Variants in GAREM1 observed in about 807,000 individuals in gnomAD.
The protein encoded by GAREM1 is GRB2-associated and regulator of MAPK protein 1.
GAREM1 carries 26 observed loss-of-function variants against 71.3 expected under a neutral mutation model. The ratio of observed to expected loss-of-function variants is 0.36; its 90% CI spans 0.27 to 0.51. The LOEUF is 0.51. Among genes scored for constraint, GAREM1 ranks in the 20% least tolerant of loss-of-function variants. The pLI, the probability that GAREM1 is intolerant of heterozygous loss-of-function variation, is 0.95. For synonymous variants in GAREM1, 440 were observed against 433.2 expected, an observed-to-expected ratio of 1.02 and a Z score of -0.20; for missense variants, 1,026 against 1,103.1, an observed-to-expected ratio of 0.93 and a Z score of 0.99.
chr18:32,444,428 T>A (rs2048768282), intron 1 of GAREM1, among the ~76,000 whole-genome samples: 2 of 152,170 alleles, frequency 1.3e-5, no homozygotes, highest in Non-Finnish European at 2.9e-5. Context: ...TTGCCACCTA[T>A]GTTTAAGTGC....
At chr18:32,382,629 T>G (rs2048108298) in intron 2 of GAREM1, among the ~76,000 whole-genome samples, 1 of 152,090 alleles carries the variant, frequency 6.6e-6, no homozygotes, top group South Asian at 2.1e-4. Context: ...CCTGGCTAGC[T>G]GGTAAAATAA....
In GAREM1 at chr18:32,287,541, T is replaced by A; in HGVS notation, c.1056A>T (p.Glu352Asp). ...AVRDVKTDWN[E>D]ECKSPKKGRC... ...GACCCTTCTTGGGGCTCTTGCATTC[T>A]TCATTCCAGTCGGTTTTCACATCAC... Residue 352 changes from glutamate to aspartate, a missense_variant, in exon 4 of 6, where the codon GAA becomes GAT. This residue lies in a region of GAREM1 where 218 missense variants were observed against 296.8 expected (regional missense o/e 0.73). Transcript: ENST00000269209. The surrounding 1 kb of genome is among the most constrained non-coding windows in gnomAD (Gnocchi z 5.9). 4 of 1,614,114 alleles carry A rather than the reference T, an allele frequency of 2.5e-6. No homozygotes were observed. The highest frequency in any genetic ancestry group is 3.4e-6 in the Non-Finnish European group (4 of 1,180,032).
chr18:32,413,247 T>C, intron 1 of GAREM1: 2 of 1,571,150 alleles, frequency 1.3e-6, no homozygotes, highest in Non-Finnish European at 1.7e-6. Context: ...GCCAGAAAAA[T>C]ATTTCAACTA....
chr18:32,332,249 G>A (rs142396957), intron 2 of GAREM1, among the ~76,000 whole-genome samples: 1 of 151,852 alleles, frequency 6.6e-6, no homozygotes, highest in East Asian at 1.9e-4. Flanking sequence ...TGGCGGGGCC[G>A]GGAAGAGCGC....
At chr18:32,463,587 T>TTTTTTTG (rs2048971676) in intron 1 of GAREM1, among the ~76,000 whole-genome samples, 1 of 130,552 alleles carries the variant, frequency 7.7e-6, no homozygotes, top group African/African-American at 3.0e-5. Flanking sequence ...TTTTTTTTTT[T>TTTTTTTG]GAGACGGAGT....
At chr18:32,288,540 ATTAT>A (rs1290594830) in intron 3 of GAREM1, among the ~76,000 whole-genome samples, 1 of 151,498 alleles carries the variant, frequency 6.6e-6, no homozygotes, top group Non-Finnish European at 1.5e-5. Flanking sequence ...CTTGTTTTTT[ATTAT>A]TTAAATTTTA....
In GAREM1 at chr18:32,287,973, G is replaced by A; in HGVS notation, c.624C>T (p.Ser208=). The change falls in exon 4 of 6, where the codon AGC becomes AGT. Residue 208 remains serine, a synonymous_variant. Transcript: ENST00000269209. This position sits in a 1 kb window ranked among gnomAD's most constrained non-coding sequence, Gnocchi z 5.9. The part of the protein sequence containing the change: ...LICMNHRTNE[S]ISLPFQCKGR... ...CCTTGCACTGGAATGGAAGGCTAAT[G>A]CTTTCGTTGGTCCGGTGATTCATAC... 2 of 1,614,142 alleles carry A rather than the reference G, an allele frequency of 1.2e-6. No individual in the cohort carries two copies. Among genetic ancestry groups the A allele is most frequent in the African/African-American group, 1.3e-5 (1 of 75,034 alleles).
intron 2 of GAREM1, 122 bp from the exon 3 acceptor site, chr18:32,310,445 A>T: frequency 2.1e-6 from 2 of 956,576 alleles, no homozygotes; most frequent in Non-Finnish European, 3.0e-6. Flanking sequence ...GTTCATCATT[A>T]ATCTTTTTAA....
rs200362490 is a variant in GAREM1, at chr18:32,325,387, T to C, written c.263-15064A>G. On this transcript the variant is annotated intron_variant, in intron 2 of 5. Coordinates refer to ENST00000269209, the MANE Select transcript of GAREM1 (RefSeq NM_001242409.2). Reference sequence around the variant, plus strand: ...CTGTGGACTTTGGGTTATTATGACATGTCAGTGCAGGTTCATCGATTGTCA... The same window carrying C: ...CTGTGGACTTTGGGTTATTATGACACGTCAGTGCAGGTTCATCGATTGTCA... Among the ~76,000 whole-genome samples, 41 of 152,286 alleles carry C rather than the reference T, an allele frequency of 2.7e-4. No individual in the cohort carries two copies. The East Asian group carries it at 3.9e-3, about 14-fold the overall frequency.
At chr18:32,301,510 CTCTGAGT>C (rs58752423) in intron 3 of GAREM1, among the ~76,000 whole-genome samples, 16,503 of 152,158 alleles carry the variant, frequency 0.11, 1,330 homozygotes, top group African/African-American at 0.24. Context: ...CACACATGTG[CTCTGAGT>C]TCCTGGAAAA....
At chr18:32,304,489 T>TG (rs1451426227) in intron 3 of GAREM1, among the ~76,000 whole-genome samples, 8 of 152,222 alleles carry the variant, frequency 5.3e-5, no homozygotes, top group African/African-American at 1.2e-4. Flanking sequence ...TTAGGCTCTA[T>TG]GGGCTATATA....
intron 2 of GAREM1, among the ~76,000 whole-genome samples, chr18:32,364,038 T>TG (rs1555638774): frequency 1.9e-5 from 1 of 51,300 alleles, no homozygotes; most frequent in East Asian, 7.8e-4. Context: ...GTTTTTTTTT[T>TG]TTTTTTTTTT....
chr18:32,280,461 C>T (rs1328164000), intron 4 of GAREM1, among the ~76,000 whole-genome samples: 1 of 152,096 alleles, frequency 6.6e-6, no homozygotes, highest in East Asian at 1.9e-4. Flanking sequence ...TTGGTTTGCC[C>T]GGGAATACCA....
At chr18:32,415,406 C>T (rs748933963) in intron 1 of GAREM1, among the ~76,000 whole-genome samples, 8 of 129,746 alleles carry the variant, frequency 6.2e-5, no homozygotes, top group Non-Finnish European at 1.4e-4. Context: ...CACATCAAAA[C>T]AAACAAACAA....
chr18:32,393,967 C>T (rs1040574450), intron 1 of GAREM1, among the ~76,000 whole-genome samples: 4 of 152,124 alleles, frequency 2.6e-5, no homozygotes, highest in African/African-American at 7.2e-5. Context: ...AGTGATTTAA[C>T]TGTGTTTTGA....
At chr18:32,284,951 G>A (rs990408407) in intron 4 of GAREM1, among the ~76,000 whole-genome samples, 5 of 151,890 alleles carry the variant, frequency 3.3e-5, no homozygotes, top group South Asian at 2.1e-4. Flanking sequence ...GGGTTTCACC[G>A]TGTTAGCCAG....
intron 2 of GAREM1, among the ~76,000 whole-genome samples, chr18:32,325,610 G>C (rs1329950713): frequency 1.3e-5 from 2 of 152,178 alleles, no homozygotes; most frequent in Non-Finnish European, 2.9e-5. Context: ...GACTGAGGTA[G>C]GACAGTCTCA....
At chr18:32,420,755 G>GAAAAAAA (rs10683034) in intron 1 of GAREM1, among the ~76,000 whole-genome samples, 1,597 of 123,110 alleles carry the variant, frequency 0.013, 16 homozygotes, top group East Asian at 0.018. Context: ...CTTCAAAAAT[G>GAAAAAAA]AAAAAAAAAA....
chr18:32,412,483 G>A lies in GAREM1; in HGVS notation c.122-19448C>T, dbSNP rs1388141184. The stretch of plus-strand genomic sequence containing the variant: ...CTGCCACCATATCTACCACCAGCAC[G>A]GCTGCCACCAAAGCCACCACGACCA... On this transcript the variant is annotated intron_variant, in intron 1 of 5. Coordinates refer to ENST00000269209, the MANE Select transcript of GAREM1 (RefSeq NM_001242409.2). The A allele has an allele frequency of 2.6e-5, 42 of 1,593,664 alleles. No homozygotes were observed. In the East Asian group the frequency reaches 4.2e-4, roughly 16 times the overall value.
Sources: allele counts gnomAD v4.1 joint callset (sites outside exome capture counted in the v4.1 genomes callset), GRCh38; gene constraint gnomAD v4.1.1; regional missense constraint gnomAD v4.1.1; non-coding constraint Gnocchi (gnomAD v3.1); transcripts MANE v1.5; gene names NCBI Gene and HGNC (gene_info 2026-07-23, HGNC 2026-07-21).